The following CDH13 variants were observed in gnomAD, a reference collection of about 807,000 sequenced individuals.
CDH13 encodes the protein cadherin 13, also known as cadherin-13.
In CDH13, 24 loss-of-function variants were observed where a neutral mutation model predicts 63.8. The ratio of observed to expected loss-of-function variants is 0.38; its 90% CI spans 0.27 to 0.53. CDH13 has a LOEUF of 0.53. Among genes scored for constraint, CDH13 ranks in the 20% least tolerant of loss-of-function variants. The pLI is 0.85. For synonymous variants in CDH13, 503 were observed against 355.3 expected (o/e 1.42, Z -4.67); for missense variants, 1,049 against 903.1 (o/e 1.16, Z -2.07).
chr16:82,957,716 T>C (rs181398836), intron 2 of CDH13, among the ~76,000 whole-genome samples: 6 of 152,362 alleles, frequency 3.9e-5, no homozygotes, highest in Admixed American at 3.9e-4. Context: ...TTCTGAGCTT[T>C]ATTTTCCCAC....
intron 3 of CDH13, among the ~76,000 whole-genome samples, chr16:83,102,930 C>CTTTTT (rs71148812): frequency 2.3e-4 from 22 of 96,920 alleles, no homozygotes; most frequent in East Asian, 2.8e-4. Context: ...TTTTCTTTTT[C>CTTTTT]TTTTTTTTTT....
intron 1 of CDH13, among the ~76,000 whole-genome samples, chr16:82,732,355 G>A (rs775744333): frequency 6.6e-6 from 1 of 152,174 alleles, no homozygotes. Context: ...AGTTAGTTAA[G>A]TAATAAATGG....
chr16:82,969,933 A>G (rs1908451683), intron 2 of CDH13, among the ~76,000 whole-genome samples: 2 of 150,540 alleles, frequency 1.3e-5, no homozygotes, highest in Admixed American at 1.3e-4. Context: ...TCCATTTAGT[A>G]TTTCTCTTTT....
At chr16:83,784,671 A>G (rs1192636216) in intron 13 of CDH13, among the ~76,000 whole-genome samples, 1 of 150,396 alleles carries the variant, frequency 6.6e-6, no homozygotes, top group Non-Finnish European at 1.5e-5. Flanking sequence ...CCATTATAGC[A>G]TTTCACTGGC....
intron 2 of CDH13, among the ~76,000 whole-genome samples, chr16:82,984,407 T>C (rs1487191574): frequency 6.6e-6 from 1 of 152,226 alleles, no homozygotes; most frequent in Non-Finnish European, 1.5e-5. Context: ...GAGTTTAAAT[T>C]CTGACTCTGC....
At chr16:83,565,383 C>CTTTTTTTTTT (rs369127310) in intron 7 of CDH13, among the ~76,000 whole-genome samples, 10 of 130,604 alleles carry the variant, frequency 7.7e-5, no homozygotes, top group African/African-American at 2.0e-4. Context: ...TTCCACTGTT[C>CTTTTTTTTTT]TTTTTTTTTT....
intron 8 of CDH13, among the ~76,000 whole-genome samples, chr16:83,612,691 TGTA>T (rs1297267578): frequency 6.6e-6 from 1 of 152,052 alleles, no homozygotes; most frequent in African/African-American, 2.4e-5. Context: ...TTCATATTCT[TGTA>T]GTGGGTTCTG....
intron 7 of CDH13, among the ~76,000 whole-genome samples, chr16:83,564,458 G>T (rs943050323): frequency 6.7e-6 from 1 of 148,486 alleles, no homozygotes; most frequent in Non-Finnish European, 1.5e-5. Flanking sequence ...ACCCAGGCTG[G>T]AGTGCAATGG....
At chr16:83,275,298 A>C (rs925722416) in intron 5 of CDH13, among the ~76,000 whole-genome samples, 4 of 152,130 alleles carry the variant, frequency 2.6e-5, no homozygotes, top group Non-Finnish European at 4.4e-5. Flanking sequence ...ATTAGATGAC[A>C]CTTGAGAAAT....
At chr16:82,882,658 C>G (rs2040747147) in intron 2 of CDH13, among the ~76,000 whole-genome samples, 1 of 151,994 alleles carries the variant, frequency 6.6e-6, no homozygotes, top group Non-Finnish European at 1.5e-5. Flanking sequence ...TCTTTCCGTT[C>G]TCCCTTTTTC....
At chr16:83,136,347 G>T (rs757963911) in intron 4 of CDH13, among the ~76,000 whole-genome samples, 1 of 151,862 alleles carries the variant, frequency 6.6e-6, no homozygotes, top group African/African-American at 2.4e-5. Flanking sequence ...TTAGCCGGGC[G>T]TAGTGGTGTG....
At chr16:82,919,195 T>C (rs1364493863) in intron 2 of CDH13, among the ~76,000 whole-genome samples, 1 of 152,226 alleles carries the variant, frequency 6.6e-6, no homozygotes, top group African/African-American at 2.4e-5. Flanking sequence ...CTTTGTCATA[T>C]GGCATCTTTA....
At position 83,271,422 on chromosome 16, in the gene CDH13, T is replaced by TA. The variant is rs56382330; in HGVS notation, c.636+53955dup. On this transcript the variant is annotated intron_variant, in intron 5 of 13. Transcript: ENST00000567109. ...CTACCGCACATTGAGGCAGAGTTCATAAAAAAAAAAAAAAAAAAAAAAAAA... is the reference window on the plus strand; with the variant it reads ...CTACCGCACATTGAGGCAGAGTTCATAAAAAAAAAAAAAAAAAAAAAAAAAA... 6.0e-3 allele frequency among the ~76,000 whole-genome samples: 156 copies of TA among 26,020 alleles called. 25 individuals carry two copies. The highest frequency in any genetic ancestry group is 0.019 in the African/African-American group (141 of 7,470). 17.1% of individuals were successfully genotyped at this position (26,020 alleles called of 152,430 possible).
chr16:83,282,533 A>G (rs2089205151), intron 5 of CDH13, among the ~76,000 whole-genome samples: 1 of 152,232 alleles, frequency 6.6e-6, no homozygotes, highest in Admixed American at 6.5e-5. Context: ...ATAAGTCACT[A>G]AAACCCCTGT....
chr16:83,059,416 C>G (rs1285389754), intron 3 of CDH13, among the ~76,000 whole-genome samples: 1 of 152,136 alleles, frequency 6.6e-6, no homozygotes, highest in Non-Finnish European at 1.5e-5. Context: ...AGGTTGAACT[C>G]TGGGAGAGCC....
intron 7 of CDH13, among the ~76,000 whole-genome samples, chr16:83,557,936 G>A (rs565849238): frequency 6.6e-6 from 1 of 152,176 alleles, no homozygotes; most frequent in South Asian, 2.1e-4. Flanking sequence ...GGGGTGAAGG[G>A]TCTATAGATC....
At chr16:83,587,433 C>G (rs1906276662) in intron 7 of CDH13, among the ~76,000 whole-genome samples, 1 of 152,202 alleles carries the variant, frequency 6.6e-6, no homozygotes, top group African/African-American at 2.4e-5. Flanking sequence ...TCCTGTGCTT[C>G]TGTCACTGGG....
intron 4 of CDH13, among the ~76,000 whole-genome samples, chr16:83,202,061 C>T (rs866347570): frequency 1.3e-4 from 20 of 152,292 alleles, no homozygotes; most frequent in African/African-American, 4.6e-4. Context: ...GTTTTCTTTG[C>T]CAAGGTCTCT....
chr16:83,048,427 C>T (rs376993523), intron 3 of CDH13, among the ~76,000 whole-genome samples: 72 of 152,290 alleles, frequency 4.7e-4, no homozygotes, highest in African/African-American at 1.6e-3. Context: ...TGCCAACTCC[C>T]TCTCTGCAGG....
Sources: gnomAD v4.1 joint callset for allele counts (sites outside exome capture counted in the v4.1 genomes callset) on GRCh38, gnomAD v4.1.1 for gene constraint, MANE v1.5 for transcripts, NCBI Gene and HGNC (gene_info 2026-07-23, HGNC 2026-07-21) for gene names.